SNTG1: variants seen among roughly 807,000 people sequenced by gnomAD.
The protein encoded by SNTG1 is syntrophin gamma 1.
In SNTG1, 39 loss-of-function variants were observed where a neutral mutation model predicts 74.7. The ratio of observed to expected loss-of-function variants is 0.52; its 90% CI spans 0.40 to 0.68. The LOEUF is 0.68. SNTG1 is among the 30% of genes least tolerant of loss of function. The pLI, the probability that SNTG1 is intolerant of heterozygous loss-of-function variation, is 0.00. For missense variants in SNTG1, 685 were observed against 609.5 expected (o/e 1.12, Z -1.30); for synonymous variants, 254 against 217.1 (o/e 1.17, Z -1.49).
At chr8:49,966,701 A>G (rs756831629) in intron 1 of SNTG1, among the ~76,000 whole-genome samples, 14 of 152,202 alleles carry the variant, frequency 9.2e-5, no homozygotes, top group Non-Finnish European at 2.1e-4. Flanking sequence ...AGCCTATTCC[A>G]GTCTTTTTGA....
intron 5 of SNTG1, among the ~76,000 whole-genome samples, chr8:50,448,204 A>G (rs1484435037): frequency 6.6e-6 from 1 of 152,130 alleles, no homozygotes; most frequent in Admixed American, 6.6e-5. Flanking sequence ...ATAGTGAGGA[A>G]AAGGGAACTG....
At chr8:50,170,358 CATAAA>C (rs1179943592) in intron 1 of SNTG1, among the ~76,000 whole-genome samples, 1 of 151,992 alleles carries the variant, frequency 6.6e-6, no homozygotes, top group Non-Finnish European at 1.5e-5. Flanking sequence ...AATTATTTCA[CATAAA>C]ATAACTAAGG....
intron 12 of SNTG1, among the ~76,000 whole-genome samples, chr8:50,579,394 G>A (rs1003449571): frequency 6.6e-5 from 10 of 152,192 alleles, no homozygotes; most frequent in African/African-American, 2.2e-4. Flanking sequence ...CCGTTTTCTA[G>A]GGTGACATTC....
At chr8:50,354,491 G>A (rs1340674853) in intron 2 of SNTG1, among the ~76,000 whole-genome samples, 2 of 152,086 alleles carry the variant, frequency 1.3e-5, no homozygotes, top group Admixed American at 6.6e-5. Flanking sequence ...GCGTGTAGTA[G>A]TTAAAATTAA....
At chr8:50,619,872 G>T (rs1187647992) in intron 13 of SNTG1, among the ~76,000 whole-genome samples, 3 of 148,144 alleles carry the variant, frequency 2.0e-5, no homozygotes, top group East Asian at 2.0e-4. Context: ...AAATATATTG[G>T]CTTCTACTCT....
At chr8:50,022,143 G>A (rs1233474235) in intron 1 of SNTG1, among the ~76,000 whole-genome samples, 1 of 152,070 alleles carries the variant, frequency 6.6e-6, no homozygotes, top group East Asian at 1.9e-4. Context: ...TCACTTTCTT[G>A]TTGTGTCATT....
intron 18 of SNTG1, among the ~76,000 whole-genome samples, chr8:50,786,485 CT>C (rs1221114686): frequency 6.6e-6 from 1 of 151,806 alleles, no homozygotes; most frequent in African/African-American, 2.4e-5. Flanking sequence ...TGCCAACTGC[CT>C]TTTTTTCAGA....
chr8:50,094,658 G>T (rs1458735677), intron 1 of SNTG1, among the ~76,000 whole-genome samples: 1 of 152,106 alleles, frequency 6.6e-6, no homozygotes, highest in African/African-American at 2.4e-5. Flanking sequence ...AATCAGAATG[G>T]CTATGAAAGA....
intron 15 of SNTG1, among the ~76,000 whole-genome samples, chr8:50,702,333 A>C (rs910057346): frequency 6.6e-6 from 1 of 152,120 alleles, no homozygotes; most frequent in Non-Finnish European, 1.5e-5. Flanking sequence ...CTCCCTTCAG[A>C]CAGAGTAGGA....
In SNTG1 at chr8:50,207,728, C is replaced by T. The variant is rs144347891; in HGVS notation, c.-28+35093C>T. On this transcript the variant is annotated intron_variant, in intron 2 of 18. Coordinates refer to ENST00000642720, the MANE Select transcript of SNTG1 (RefSeq NM_018967.5). ...AGTGCTATACATTTCCCTCTACACA[C>T]TGCTTTAAATGTGTCCCAGAGATTC... Among the ~76,000 whole-genome samples the T allele has an allele frequency of 3.1e-3, 466 of 152,300 alleles. 4 individuals are homozygous for T. The highest frequency in any genetic ancestry group is 0.01 in the African/African-American group (423 of 41,564).
chr8:50,162,292 G>C (rs139807563), intron 1 of SNTG1, among the ~76,000 whole-genome samples: 1 of 152,260 alleles, frequency 6.6e-6, no homozygotes, highest in African/African-American at 2.4e-5. Context: ...GCCGTGCGCG[G>C]TGGCTCATGC....
At chr8:50,769,955 A>G (rs1283362823) in intron 18 of SNTG1, among the ~76,000 whole-genome samples, 1 of 152,114 alleles carries the variant, frequency 6.6e-6, no homozygotes, top group African/African-American at 2.4e-5. Context: ...TTATTTGCCA[A>G]ACTCAGTAAT....
chr8:50,259,165 C>T (rs1043791416), intron 2 of SNTG1, among the ~76,000 whole-genome samples: 2 of 151,932 alleles, frequency 1.3e-5, no homozygotes, highest in African/African-American at 4.8e-5. Context: ...GAATTATGAA[C>T]CAAGAATCTT....
chr8:50,207,508 A>G (rs2084304494), intron 2 of SNTG1, among the ~76,000 whole-genome samples: 1 of 152,106 alleles, frequency 6.6e-6, no homozygotes, highest in African/African-American at 2.4e-5. Context: ...GATCTCTTCA[A>G]AAAACTAGCT....
At chr8:50,040,858 T>C (rs1405632258) in intron 1 of SNTG1, among the ~76,000 whole-genome samples, 1 of 152,222 alleles carries the variant, frequency 6.6e-6, no homozygotes, top group Non-Finnish European at 1.5e-5. Context: ...AGTGCCCTTA[T>C]CTGCTAGAGA....
intron 8 of SNTG1, among the ~76,000 whole-genome samples, chr8:50,454,531 C>T (rs895352144): frequency 2.0e-5 from 3 of 150,370 alleles, no homozygotes; most frequent in African/African-American, 7.4e-5. Flanking sequence ...AACAAAACAA[C>T]AACAACAAAA....
At chr8:50,364,182 A>C (rs539259128) in intron 2 of SNTG1, among the ~76,000 whole-genome samples, 1 of 152,224 alleles carries the variant, frequency 6.6e-6, no homozygotes, top group Non-Finnish European at 1.5e-5. Flanking sequence ...TTGGGGTTGA[A>C]AGTTCCAGTC....
intron 1 of SNTG1, among the ~76,000 whole-genome samples, chr8:49,941,203 A>C (rs35393361): frequency 2.4e-3 from 369 of 152,112 alleles, no homozygotes; most frequent in Admixed American, 3.9e-3. Flanking sequence ...TTTCTGTCCA[A>C]AAAATATGAA....
chr8:50,238,623 TA>T (rs1486257128), intron 2 of SNTG1, among the ~76,000 whole-genome samples: 1 of 152,044 alleles, frequency 6.6e-6, no homozygotes, highest in Non-Finnish European at 1.5e-5. Context: ...AACCGCAACA[TA>T]AACAAACATT....
Sources: allele counts gnomAD v4.1 joint callset (sites outside exome capture counted in the v4.1 genomes callset), GRCh38; gene constraint gnomAD v4.1.1; transcripts MANE v1.5; gene names NCBI Gene and HGNC (gene_info 2026-07-23, HGNC 2026-07-21).